DHRSX: variants seen among roughly 807,000 people sequenced by gnomAD.
The protein encoded by DHRSX is dehydrogenase/reductase X-linked.
In DHRSX, 31 loss-of-function variants were observed where a neutral mutation model predicts 34.0. The ratio of observed to expected loss-of-function variants is 0.91; its 90% CI spans 0.69 to 1.23. DHRSX has a LOEUF of 1.23. Ranked by LOEUF, DHRSX falls within the 50% of genes most tolerant of loss-of-function variation. DHRSX has a pLI of 0.00. For missense variants in DHRSX, 414 were observed against 428.1 expected, an observed-to-expected ratio of 0.97 and a Z score of 0.29; for synonymous variants, 201 against 183.8, an observed-to-expected ratio of 1.09 and a Z score of -0.76.
intron 3 of DHRSX, among the ~76,000 whole-genome samples, chrX:2,330,555 GAGGGGAGGGGAGGGA>G (rs1398566745): frequency 1.4e-5 from 2 of 142,962 alleles, no homozygotes; most frequent in Admixed American, 7.1e-5. Flanking sequence ...GAAGGGAAGG[GAGGGGAGGGGAGGGA>G]AGGGGAGGGG....
intron 1 of DHRSX, among the ~76,000 whole-genome samples, chrX:2,483,203 A>G (rs772172194): frequency 2.0e-3 from 304 of 151,664 alleles, no homozygotes; most frequent in Non-Finnish European, 2.9e-3. Context: ...CTCCCACCTC[A>G]GTCTCCCAAG....
intron 6 of DHRSX, among the ~76,000 whole-genome samples, chrX:2,226,459 C>T (rs1406668064): frequency 1.3e-5 from 2 of 152,096 alleles, no homozygotes; most frequent in Admixed American, 6.6e-5. Flanking sequence ...TCTAATGCCA[C>T]GTTCTGCAAA....
chrX:2,247,833 C>T (rs1411244346), intron 5 of DHRSX, among the ~76,000 whole-genome samples: 1 of 152,084 alleles, frequency 6.6e-6, no homozygotes, highest in Admixed American at 6.6e-5. Context: ...CCTTCTCCTA[C>T]CCTCCTGTCT....
chrX:2,327,737 C>T (rs1260011844), intron 3 of DHRSX, among the ~76,000 whole-genome samples: 2 of 152,088 alleles, frequency 1.3e-5, no homozygotes, highest in Non-Finnish European at 2.9e-5. Flanking sequence ...TAAGGTAAAA[C>T]AAAGTCACCA....
At chrX:2,419,091 C>T (rs551267764) in intron 2 of DHRSX, among the ~76,000 whole-genome samples, 74 of 152,220 alleles carry the variant, frequency 4.9e-4, no homozygotes, top group African/African-American at 1.3e-3. Context: ...CTAGAGGGGG[C>T]GCAATAAACT....
chrX:2,229,921 G>A (rs1457025071), intron 6 of DHRSX, among the ~76,000 whole-genome samples: 1 of 152,148 alleles, frequency 6.6e-6, no homozygotes, highest in Non-Finnish European at 1.5e-5. Flanking sequence ...GTACATGCAT[G>A]TGCATGAATG....
intron 3 of DHRSX, among the ~76,000 whole-genome samples, chrX:2,315,154 G>A (rs754782000): frequency 7.0e-5 from 10 of 142,002 alleles, no homozygotes; most frequent in East Asian, 5.9e-4. Flanking sequence ...GTGAAACTCC[G>A]TTTCAATAAA....
chrX:2,412,351 T>A (rs2043641780), intron 2 of DHRSX, among the ~76,000 whole-genome samples: 1 of 152,206 alleles, frequency 6.6e-6, no homozygotes, highest in Non-Finnish European at 1.5e-5. Flanking sequence ...CCCAAAGTGC[T>A]GGGATGACAG....
chrX:2,375,030 C>T (rs753272567), intron 3 of DHRSX, among the ~76,000 whole-genome samples: 1 of 138,180 alleles, frequency 7.2e-6, no homozygotes, highest in East Asian at 2.0e-4. Flanking sequence ...GATAGCACCA[C>T]TACACTCCAG....
chrX:2,396,872 C>A (rs747672117), intron 3 of DHRSX, among the ~76,000 whole-genome samples: 5 of 151,372 alleles, frequency 3.3e-5, no homozygotes, highest in Admixed American at 3.3e-4. Flanking sequence ...TCAAGCGATT[C>A]TCCTGTCTCA....
chrX:2,367,967 G>C (rs750967550), intron 3 of DHRSX, among the ~76,000 whole-genome samples: 1 of 152,188 alleles, frequency 6.6e-6, no homozygotes, highest in East Asian at 1.9e-4. Flanking sequence ...TTGAGGCCAG[G>C]CACGGAGGCT....
rs767709210 is a variant in DHRSX at position 2,234,787 on chromosome X, T to A, written c.804+8236A>T. Among the ~76,000 whole-genome samples the A allele has an allele frequency of 2.8e-3, 434 of 152,358 alleles. 3 individuals are homozygous for A. The highest frequency in any genetic ancestry group is 0.01 in the African/African-American group (425 of 41,584). On this transcript the variant is annotated intron_variant, in intron 6 of 6. Transcript: ENST00000334651. ...GTGCAGTGGCACGATCCCGGCTTAC[T>A]GCAGTCTCTACCTCCCATGTTCAAG... is the stretch of plus-strand genomic sequence containing the variant.
At chrX:2,354,618 C>T (rs752002231) in intron 3 of DHRSX, among the ~76,000 whole-genome samples, 15 of 152,268 alleles carry the variant, frequency 9.9e-5, no homozygotes, top group African/African-American at 2.6e-4. Context: ...CCCACCACCA[C>T]GCCTGGCTAA....
chrX:2,290,284 A>C (rs1223548159), intron 4 of DHRSX, among the ~76,000 whole-genome samples: 1 of 152,146 alleles, frequency 6.6e-6, no homozygotes, highest in Non-Finnish European at 1.5e-5. Flanking sequence ...GAAACACATC[A>C]AGACAAAAAG....
intron 3 of DHRSX, among the ~76,000 whole-genome samples, chrX:2,314,471 A>AAGGG (rs1569487319): frequency 6.5e-4 from 18 of 27,676 alleles, no homozygotes; most frequent in Non-Finnish European, 1.2e-3. Flanking sequence ...GGAAGGGGAG[A>AAGGG]AGGAAGGAAG....
intron 3 of DHRSX, among the ~76,000 whole-genome samples, chrX:2,299,185 A>T (rs1375396888): frequency 6.6e-6 from 1 of 152,120 alleles, no homozygotes; most frequent in Non-Finnish European, 1.5e-5. Context: ...AATATTTTTA[A>T]ATGTCACTTA....
intron 1 of DHRSX, among the ~76,000 whole-genome samples, chrX:2,450,097 G>A (rs1184105214): frequency 6.6e-6 from 1 of 151,238 alleles, no homozygotes; most frequent in Non-Finnish European, 1.5e-5. Context: ...TCTCCACCCA[G>A]GACAAATAAG....
intron 1 of DHRSX, among the ~76,000 whole-genome samples, chrX:2,429,854 G>A (rs2043895661): frequency 7.0e-6 from 1 of 143,614 alleles, no homozygotes; most frequent in Non-Finnish European, 1.5e-5. Flanking sequence ...ATGATATGAT[G>A]GTATGCCAGG....
At chrX:2,312,737 A>G (rs1433741755) in intron 3 of DHRSX, among the ~76,000 whole-genome samples, 1 of 151,980 alleles carries the variant, frequency 6.6e-6, no homozygotes, top group Non-Finnish European at 1.5e-5. Context: ...AAAGAAACTC[A>G]CACCTCTACC....
Sources: gnomAD v4.1 joint callset for allele counts (sites outside exome capture counted in the v4.1 genomes callset) on GRCh38, gnomAD v4.1.1 for gene constraint, MANE v1.5 for transcripts, NCBI Gene and HGNC (gene_info 2026-07-23, HGNC 2026-07-21) for gene names.